The following PPP2R2C variants were observed in gnomAD, a reference collection of about 807,000 sequenced individuals.
PPP2R2C encodes protein phosphatase 2, regulatory subunit B, gamma.
PPP2R2C carries 10 observed loss-of-function variants against 45.3 expected under a neutral mutation model. That is an observed-to-expected ratio of 0.22 (90% CI 0.14 to 0.37). The LOEUF (loss-of-function observed/expected upper bound fraction) is 0.37, where lower values mean the gene tolerates loss of function less well. Among genes scored for constraint, PPP2R2C ranks in the 10% least tolerant of loss-of-function variants. The probability of loss-of-function intolerance (pLI) is 1.00; values close to 1 mark genes in which losing one functional copy is unlikely to be tolerated. For synonymous variants in PPP2R2C, 257 were observed against 245.4 expected (o/e 1.05, Z -0.44); for missense variants, 308 against 619.7 (o/e 0.50, Z 5.34).
In PPP2R2C at chr4:6,548,779, G is replaced by A. The variant is rs541101197; in HGVS notation, c.-58-13402C>T. On this transcript the variant is annotated intron_variant, in intron 1 of 9. Coordinates refer to the PPP2R2C transcript ENST00000506140. ...CCAGAAAGAACAGCCTTGGTTCAGT[G>A]GGAGAGGCAGATCCTGAAGATGCCA... Among the ~76,000 whole-genome samples, 62 of 152,322 alleles carry A rather than the reference G, an allele frequency of 4.1e-4. No individual in the cohort carries two copies. The South Asian group carries it at 0.012, about 31-fold the overall frequency.
chr4:6,504,728 G>C (rs1723165388), intron 2 of PPP2R2C, among the ~76,000 whole-genome samples: 1 of 152,112 alleles, frequency 6.6e-6, no homozygotes, highest in African/African-American at 2.4e-5. Flanking sequence ...GAAAGTGAAG[G>C]GAGATCGACA....
At chr4:6,483,900 T>C (rs1028951747) in intron 2 of PPP2R2C, among the ~76,000 whole-genome samples, 10 of 152,092 alleles carry the variant, frequency 6.6e-5, no homozygotes, top group African/African-American at 2.4e-4. Context: ...ACAACAGGGA[T>C]TGGTAAACTA....
chr4:6,355,368 C>T (rs1347312121), intron 5 of PPP2R2C, among the ~76,000 whole-genome samples: 3 of 152,078 alleles, frequency 2.0e-5, no homozygotes, highest in Non-Finnish European at 2.9e-5. Context: ...CATGTGATCT[C>T]ATTGTTCAAC....
intron 6 of PPP2R2C, among the ~76,000 whole-genome samples, chr4:6,336,604 C>G (rs1732874799): frequency 1.5e-5 from 1 of 68,474 alleles, no homozygotes; most frequent in South Asian, 4.6e-4. Flanking sequence ...GCCCAGTGCA[C>G]GATGAGTGCT....
At position 6,471,962 on chromosome 4, in the gene PPP2R2C, T is replaced by A. The variant is rs1223265871; in HGVS notation, c.70+198A>T. Among the ~76,000 whole-genome samples the A allele has an allele frequency of 2.1e-5, 3 of 144,454 alleles. No individual in the cohort carries two copies. The highest frequency in any genetic ancestry group is 7.7e-5 in the African/African-American group (3 of 38,962). The allele number at this position is 144,454 out of a possible 152,430, so 94.8% of individuals were successfully genotyped here. Reference sequence around the variant, plus strand: ...GCCGGCGCTGGGCAGCGGAGGCCGGTACCCTCGGGCTCCCTCCCTCCTGGG... The same window carrying A: ...GCCGGCGCTGGGCAGCGGAGGCCGGAACCCTCGGGCTCCCTCCCTCCTGGG... On this transcript the variant is annotated intron_variant, in intron 1 of 8. Coordinates refer to ENST00000382599, the MANE Select transcript of PPP2R2C (RefSeq NM_020416.4). The surrounding 1 kb of genome is among the most constrained non-coding windows in gnomAD (Gnocchi z 5.6).
chr4:6,518,728 G>T (rs1723909328), intron 2 of PPP2R2C, among the ~76,000 whole-genome samples: 1 of 152,008 alleles, frequency 6.6e-6, no homozygotes, highest in Non-Finnish European at 1.5e-5. Context: ...TTTGAGACCA[G>T]CCTGGCCAAT....
chr4:6,552,891 C>G (rs1264247261), intron 1 of PPP2R2C, among the ~76,000 whole-genome samples: 1 of 152,148 alleles, frequency 6.6e-6, no homozygotes, highest in Non-Finnish European at 1.5e-5. Flanking sequence ...AGGCAAGAGC[C>G]AGTTTCAGGA....
intron 1 of PPP2R2C, among the ~76,000 whole-genome samples, chr4:6,551,834 C>A (rs929066519): frequency 6.6e-6 from 1 of 152,202 alleles, no homozygotes. Flanking sequence ...TCGGTGTAGG[C>A]AACATGCAGC....
intron 2 of PPP2R2C, among the ~76,000 whole-genome samples, chr4:6,517,916 C>T (rs906165202): frequency 2.6e-5 from 4 of 152,182 alleles, no homozygotes. Flanking sequence ...CAGCTAATGA[C>T]TTGTGCACAG....
At chr4:6,326,821 G>A (rs559788817) in intron 8 of PPP2R2C, among the ~76,000 whole-genome samples, 7 of 152,328 alleles carry the variant, frequency 4.6e-5, no homozygotes, top group African/African-American at 1.2e-4. Flanking sequence ...GAAGCCCCAC[G>A]GCAGGGGCCA....
At chr4:6,417,869 A>C (rs1001957319) in intron 1 of PPP2R2C, among the ~76,000 whole-genome samples, 2 of 152,234 alleles carry the variant, frequency 1.3e-5, no homozygotes, top group Admixed American at 6.5e-5. Flanking sequence ...CCGAGCCTCA[A>C]AAGGCAGCAT....
rs374358765 is a variant in PPP2R2C, at chr4:6,481,325, T to C, written c.49+53946A>G. ...ACGTATACTTACCTCATTTACAGTA[T>C]GCTTTTCTGTTTGGGGTGAGGCAGT... On this transcript the variant is annotated intron_variant, in intron 2 of 9. Transcript: ENST00000506140. Among the ~76,000 whole-genome samples, 24 of 152,360 alleles carry C rather than the reference T, an allele frequency of 1.6e-4. 1 individual carries two copies. The highest frequency in any genetic ancestry group is 5.5e-4 in the African/African-American group (23 of 41,584).
chr4:6,462,291 A>T (rs1386172028), intron 1 of PPP2R2C, among the ~76,000 whole-genome samples: 1 of 152,200 alleles, frequency 6.6e-6, no homozygotes, highest in Non-Finnish European at 1.5e-5. Flanking sequence ...CCTGACCAAC[A>T]TGGTGAAACC....
intron 2 of PPP2R2C, among the ~76,000 whole-genome samples, chr4:6,492,512 G>A (rs1232509389): frequency 6.6e-6 from 1 of 152,244 alleles, no homozygotes; most frequent in Non-Finnish European, 1.5e-5. Context: ...ATGCTCAAGT[G>A]TGAGTGAAAG....
At chr4:6,336,643 CCCTCCCTCCCTCCCTCCCTCCCTG>C in intron 6 of PPP2R2C, among the ~76,000 whole-genome samples, 2 of 11,536 alleles carry the variant, frequency 1.7e-4, no homozygotes, top group Non-Finnish European at 1.9e-4. Context: ...TTCCCTCCCT[CCCTCCCTCCCTCCCTCCCTCCCTG>C]CTTCCATCCC....
In PPP2R2C at chr4:6,491,822, G is replaced by C. The variant is rs562014570; in HGVS notation, c.49+43449C>G. Among the ~76,000 whole-genome samples the C allele has an allele frequency of 4.6e-5, 7 of 152,264 alleles. No homozygotes were observed. The South Asian group carries it at 1.5e-3, about 32-fold the overall frequency. On this transcript the variant is annotated intron_variant, in intron 2 of 9. Coordinates refer to the PPP2R2C transcript ENST00000506140. ...CTACTTCCCCTTGGCTTTCTGCCACGATTATAAGCTTCCTGAGGGAAGCTT... is the reference window on the plus strand; with the variant it reads ...CTACTTCCCCTTGGCTTTCTGCCACCATTATAAGCTTCCTGAGGGAAGCTT...
chr4:6,399,527 A>G (rs1717271134), intron 1 of PPP2R2C, among the ~76,000 whole-genome samples: 1 of 152,224 alleles, frequency 6.6e-6, no homozygotes, highest in South Asian at 2.1e-4. Flanking sequence ...ATGAGAAATG[A>G]GTCGTGCCAG....
At chr4:6,354,186 C>G (rs1712919511) in intron 5 of PPP2R2C, among the ~76,000 whole-genome samples, 1 of 151,572 alleles carries the variant, frequency 6.6e-6, no homozygotes, top group South Asian at 2.1e-4. Context: ...CTTCCTCAAA[C>G]AGCTGCGGGA....
intron 1 of PPP2R2C, among the ~76,000 whole-genome samples, chr4:6,450,362 A>C (rs1436154652): frequency 1.3e-5 from 2 of 152,148 alleles, no homozygotes; most frequent in African/African-American, 4.8e-5. Flanking sequence ...CCTCCACTTT[A>C]ACCAGAACAT....
Sources: gnomAD v4.1 joint callset for allele counts (sites outside exome capture counted in the v4.1 genomes callset) on GRCh38, gnomAD v4.1.1 for gene constraint, Gnocchi (gnomAD v3.1) non-coding constraint, MANE v1.5 for transcripts, NCBI Gene and HGNC (gene_info 2026-07-23, HGNC 2026-07-21) for gene names.